DLC1: variants seen among roughly 807,000 people sequenced by gnomAD.
DLC1 encodes the protein DLC1 Rho GTPase activating protein, also known as rho GTPase-activating protein 7.
DLC1 carries 54 observed loss-of-function variants against 140.3 expected under a neutral mutation model. The observed-to-expected ratio is 0.38, with a 90% confidence interval of 0.31 to 0.48. The LOEUF (loss-of-function observed/expected upper bound fraction) is 0.48. DLC1 is among the 20% of genes least tolerant of loss of function. The pLI is 0.96. For missense variants in DLC1, 2,536 were observed against 1,907.0 expected, an observed-to-expected ratio of 1.33 and a Z score of -6.14; for synonymous variants, 986 against 728.1, an observed-to-expected ratio of 1.35 and a Z score of -5.70.
intron 4 of DLC1, among the ~76,000 whole-genome samples, chr8:13,374,844 AT>A (rs954446442): frequency 6.6e-6 from 1 of 152,022 alleles, no homozygotes; most frequent in Admixed American, 6.6e-5. Flanking sequence ...ATGTTCATTC[AT>A]TTGTTTGTGT....
At chr8:13,292,487 C>G (rs1032607808) in intron 5 of DLC1, among the ~76,000 whole-genome samples, 3 of 152,210 alleles carry the variant, frequency 2.0e-5, no homozygotes, top group African/African-American at 7.2e-5. Flanking sequence ...TAAGCCAGCT[C>G]TCCACTTTCC....
At chr8:13,166,575 C>T (rs532140024) in intron 5 of DLC1, among the ~76,000 whole-genome samples, 1 of 152,246 alleles carries the variant, frequency 6.6e-6, no homozygotes, top group South Asian at 2.1e-4. Context: ...TCAAGTGATC[C>T]ACCCGCTGTG....
intron 5 of DLC1, among the ~76,000 whole-genome samples, chr8:13,144,604 A>C (rs1320601337): frequency 6.6e-6 from 1 of 152,052 alleles, no homozygotes; most frequent in African/African-American, 2.4e-5. Context: ...CTTCTACTAA[A>C]AATACAAAAA....
chr8:13,395,716 A>G (rs1837007336), intron 3 of DLC1, among the ~76,000 whole-genome samples: 1 of 151,988 alleles, frequency 6.6e-6, no homozygotes, highest in Non-Finnish European at 1.5e-5. Context: ...ATACGCAGCA[A>G]AAAGTAATGT....
chr8:13,086,393 G>T lies in DLC1; in HGVS notation c.4363C>A (p.Pro1455Thr). 1 of 1,614,198 alleles carries T rather than the reference G, an allele frequency of 6.2e-7. No homozygotes were observed. Among genetic ancestry groups the T allele is most frequent in the Non-Finnish European group, 8.5e-7 (1 of 1,180,040 alleles). Reference protein sequence around the residue: ...LLTSVDHDRAPVVGVRVNVLL... With the variant: ...LLTSVDHDRATVVGVRVNVLL... Reference sequence around the variant, plus strand: ...ACATTAACCCTCACACCCACCACAGGTGCGCGATCGTGATCCACAGAGGTT... The same window carrying T: ...ACATTAACCCTCACACCCACCACAGTTGCGCGATCGTGATCCACAGAGGTT... The change falls in exon 17 of 18, where the codon CCT becomes ACT. Residue 1455 changes from proline to threonine, a missense_variant. Pro to Thr is a conservative substitution (Grantham distance 38). Coordinates refer to ENST00000276297, the MANE Select transcript of DLC1 (RefSeq NM_182643.3).
chr8:13,254,983 C>CTT (rs549628779), intron 5 of DLC1, among the ~76,000 whole-genome samples: 1,905 of 149,712 alleles, frequency 0.013, 42 homozygotes, highest in African/African-American at 0.045. Context: ...TTTCTTTTTT[C>CTT]TTATTTTTTT....
At chr8:13,592,087 C>T (rs1805533876) in intron 1 of DLC1, among the ~76,000 whole-genome samples, 1 of 152,004 alleles carries the variant, frequency 6.6e-6, no homozygotes, top group African/African-American at 2.4e-5. Flanking sequence ...AGAGTTCAAA[C>T]ATAGGGCCCC....
chr8:13,199,794 T>C lies in DLC1; in HGVS notation c.1349-84137A>G, dbSNP rs1215928272. ...TAGAGCATGAGTTTGAAACTAGATG[T>C]TCCATCTCAAAGTCAGGCTCTGTCT... On this transcript the variant is annotated intron_variant, in intron 5 of 17. Coordinates refer to ENST00000276297, the MANE Select transcript of DLC1 (RefSeq NM_182643.3). 2.6e-5 allele frequency among the ~76,000 whole-genome samples: 4 copies of C among 152,154 alleles called. 1 individual carries two copies. Among genetic ancestry groups the C allele is most frequent in the Non-Finnish European group, 5.9e-5 (4 of 68,034 alleles).
chr8:13,443,031 A>T (rs1057419453), intron 2 of DLC1, among the ~76,000 whole-genome samples: 5 of 152,186 alleles, frequency 3.3e-5, no homozygotes, highest in African/African-American at 1.2e-4. Flanking sequence ...GCCATAAAAA[A>T]GGATGAGTTC....
chr8:13,281,026 A>G (rs866198022), intron 5 of DLC1, among the ~76,000 whole-genome samples: 8 of 152,202 alleles, frequency 5.3e-5, no homozygotes, highest in Admixed American at 2.0e-4. Context: ...GTAGGTATCC[A>G]ATAGTCCATG....
chr8:13,350,598 G>A (rs749939555), intron 4 of DLC1, among the ~76,000 whole-genome samples: 8 of 152,090 alleles, frequency 5.3e-5, no homozygotes, highest in Non-Finnish European at 1.0e-4. Flanking sequence ...CACCTGTAAT[G>A]ACAGGTACTT....
At chr8:13,349,189 A>G (rs1256992016) in intron 4 of DLC1, among the ~76,000 whole-genome samples, 1 of 152,136 alleles carries the variant, frequency 6.6e-6, no homozygotes, top group Non-Finnish European at 1.5e-5. Flanking sequence ...GGGAAATATC[A>G]GTGCAATACC....
chr8:13,574,195 T>G (rs1804760018), intron 1 of DLC1, among the ~76,000 whole-genome samples: 1 of 152,194 alleles, frequency 6.6e-6, no homozygotes, highest in Non-Finnish European at 1.5e-5. Flanking sequence ...TTTTCCTCAG[T>G]GGCAAATTAG....
chr8:13,243,831 C>G (rs113296880), intron 5 of DLC1, among the ~76,000 whole-genome samples: 56 of 152,262 alleles, frequency 3.7e-4, no homozygotes, highest in African/African-American at 1.3e-3. Flanking sequence ...CTTGGACAAT[C>G]TCATTCTCTT....
chr8:13,163,765 G>C (rs1489816030), intron 5 of DLC1, among the ~76,000 whole-genome samples: 3 of 152,062 alleles, frequency 2.0e-5, no homozygotes, highest in Non-Finnish European at 4.4e-5. Flanking sequence ...AGGATAGCTT[G>C]AGACCAGTCT....
intron 1 of DLC1, among the ~76,000 whole-genome samples, chr8:13,561,999 A>G (rs1804260612): frequency 6.6e-6 from 1 of 152,166 alleles, no homozygotes; most frequent in African/African-American, 2.4e-5. Flanking sequence ...TGGAAAAAGT[A>G]CTAAAGACAG....
At chr8:13,168,524 A>T (rs903511046) in intron 5 of DLC1, among the ~76,000 whole-genome samples, 16 of 152,240 alleles carry the variant, frequency 1.1e-4, no homozygotes, top group African/African-American at 3.9e-4. Context: ...TTTTATGCTT[A>T]AAATACGTAG....
chr8:13,460,912 C>T (rs289537), intron 2 of DLC1, among the ~76,000 whole-genome samples: 4 of 152,140 alleles, frequency 2.6e-5, no homozygotes, highest in Middle Eastern at 3.4e-3. Context: ...GGGTCCTGTG[C>T]GTGTAAAAAT....
intron 5 of DLC1, among the ~76,000 whole-genome samples, chr8:13,150,873 C>A (rs1563111496): frequency 6.6e-6 from 1 of 152,152 alleles, no homozygotes; most frequent in Non-Finnish European, 1.5e-5. Context: ...AAATACTGGC[C>A]TTAAAAATGC....
Sources: allele counts gnomAD v4.1 joint callset (sites outside exome capture counted in the v4.1 genomes callset), GRCh38; gene constraint gnomAD v4.1.1; transcripts MANE v1.5; gene names NCBI Gene and HGNC (gene_info 2026-07-23, HGNC 2026-07-21).